Variants in MAPRE3 observed in about 807,000 individuals in gnomAD.
MAPRE3 encodes the protein microtubule associated protein RP/EB family member 3, also known as microtubule-associated protein RP/EB family member 3.
A neutral mutation model predicts 30.5 loss-of-function variants in MAPRE3; 2 were observed. The observed-to-expected ratio is 0.07, with a 90% CI of 0.03 to 0.21. MAPRE3 has a LOEUF of 0.21. MAPRE3 is among the 10% of genes least tolerant of loss of function. MAPRE3 has a pLI of 1.00. For missense variants in MAPRE3, 204 were observed against 351.8 expected (o/e 0.58, Z 3.36); for synonymous variants, 110 against 127.7 (o/e 0.86, Z 0.93).
chr2:27,010,365 T>C (rs1666822268), intron 1 of MAPRE3, among the ~76,000 whole-genome samples: 1 of 151,570 alleles, frequency 6.6e-6, no homozygotes, highest in African/African-American at 2.4e-5. Context: ...AACTTGAGGG[T>C]AGGATATGGA....
chr2:27,003,506 T>C (rs768616170), intron 1 of MAPRE3, among the ~76,000 whole-genome samples: 9 of 152,228 alleles, frequency 5.9e-5, no homozygotes, highest in Non-Finnish European at 1.2e-4. Flanking sequence ...TCTTAGGGAA[T>C]CAGCTGTCTA....
intron 1 of MAPRE3, among the ~76,000 whole-genome samples, chr2:26,995,793 G>GTA (rs1243417861): frequency 6.9e-6 from 1 of 145,668 alleles, no homozygotes; most frequent in Non-Finnish European, 1.5e-5. Flanking sequence ...GTGTGTGTGT[G>GTA]TGTGTGTGTG....
chr2:27,026,481 C>G lies in MAPRE3; in HGVS notation c.*133C>G. On this transcript the variant is annotated 3_prime_UTR_variant, in exon 7 of 7. Transcript: ENST00000233121. Reference sequence around the variant, plus strand: ...AGTGCTGCAGCACTGGGGAGCCAGGCGAGGGGGGCTTGGGGGCATGGGGCC... The same window carrying G: ...AGTGCTGCAGCACTGGGGAGCCAGGGGAGGGGGGCTTGGGGGCATGGGGCC... 1 of 750,544 alleles carries G rather than the reference C, an allele frequency of 1.3e-6. No individual in the cohort carries two copies. Among genetic ancestry groups the G allele is most frequent in the Non-Finnish European group, 2.1e-6 (1 of 472,976 alleles). The allele number at this position is 750,544 out of a possible 1,614,324, so 46.5% of individuals were successfully genotyped here.
chr2:27,025,947 G>A lies in MAPRE3; in HGVS notation c.692G>A (p.Arg231His), dbSNP rs1191523736. Residue 231 changes from arginine (R) to histidine (H), a missense_variant, in exon 6 of 7, where the codon CGT (arginine) becomes CAT (histidine). Arg to His is a conservative substitution (Grantham distance 29, BLOSUM62 0). Transcript: ENST00000233121. Reference sequence around the variant, plus strand: ...CGTGACTTCTACTTCAGCAAACTTCGTGACATCGAGCTCATCTGCCAGGAG... The same window carrying A: ...CGTGACTTCTACTTCAGCAAACTTCATGACATCGAGCTCATCTGCCAGGAG... The part of the protein sequence containing the change: ...KERDFYFSKL[R>H]DIELICQEHE... The A allele has an allele frequency of 2.5e-6, 4 of 1,614,088 alleles. No individual in the cohort carries two copies. Among genetic ancestry groups the A allele is most frequent in the Non-Finnish European group, 1.7e-6 (2 of 1,180,042 alleles).
intron 1 of MAPRE3, chr2:27,014,762 TCCATGCAAGC>T (rs1054392932): frequency 6.6e-6 from 1 of 152,046 alleles, no homozygotes; most frequent in African/African-American, 2.4e-5. Context: ...ACATACTGCC[TCCATGCAAGC>T]CCAGAATAAC....
Position 27,024,313 on chromosome 2 carries a change from C to CG in MAPRE3, c.469+21dup, listed in dbSNP as rs1667182623. 2 of 1,609,798 alleles carry CG rather than the reference C, an allele frequency of 1.2e-6. No individual in the cohort carries two copies. The highest frequency in any genetic ancestry group is 2.2e-5 in the East Asian group (1 of 44,764). On this transcript the variant is annotated intron_variant, in intron 4 of 6. Coordinates refer to ENST00000233121, the MANE Select transcript of MAPRE3 (RefSeq NM_012326.4). ...GGCACAGCAGGTAACGTGCCCGAGCCGGGGGAGGGAGCGTGGGGGGCCGGG... is the reference window on the plus strand; with the variant it reads ...GGCACAGCAGGTAACGTGCCCGAGCCGGGGGGAGGGAGCGTGGGGGGCCGGG...
chr2:27,020,880 A>G (rs1274514745), intron 1 of MAPRE3, among the ~76,000 whole-genome samples: 2 of 152,208 alleles, frequency 1.3e-5, no homozygotes, highest in African/African-American at 2.4e-5. Flanking sequence ...AAGGCCTTTT[A>G]GGAGGCTCCT....
intron 1 of MAPRE3, among the ~76,000 whole-genome samples, chr2:26,977,751 G>C (rs1208488024): frequency 2.6e-5 from 4 of 152,148 alleles, no homozygotes; most frequent in African/African-American, 9.7e-5. Flanking sequence ...GTGTTGGTAG[G>C]GCCTGGCCGG....
chr2:26,984,224 C>G (rs1298060308), intron 1 of MAPRE3, among the ~76,000 whole-genome samples: 1 of 152,160 alleles, frequency 6.6e-6, no homozygotes, highest in Non-Finnish European at 1.5e-5. Context: ...TCAAAAACCC[C>G]TTGCTGGATG....
intron 1 of MAPRE3, among the ~76,000 whole-genome samples, chr2:27,017,177 G>C (rs923739506): frequency 6.6e-6 from 1 of 152,196 alleles, no homozygotes; most frequent in Non-Finnish European, 1.5e-5. Context: ...GCCCTAGCAG[G>C]TGCAGCAGAG....
intron 4 of MAPRE3, among the ~76,000 whole-genome samples, chr2:27,025,033 G>A (rs1025849337): frequency 6.6e-6 from 1 of 152,176 alleles, no homozygotes; most frequent in Non-Finnish European, 1.5e-5. Context: ...AAGTCGCCAC[G>A]GCATGCTGGC....
At chr2:27,020,129 G>C (rs542827773) in intron 1 of MAPRE3, among the ~76,000 whole-genome samples, 1 of 152,260 alleles carries the variant, frequency 6.6e-6, no homozygotes, top group South Asian at 2.1e-4. Context: ...CTTTGGGGTG[G>C]GGACGGCATT....
At chr2:26,988,314 CTTG>C (rs1241152150) in intron 1 of MAPRE3, among the ~76,000 whole-genome samples, 1 of 152,186 alleles carries the variant, frequency 6.6e-6, no homozygotes, top group Non-Finnish European at 1.5e-5. Context: ...TAGTCTCTAG[CTTG>C]TTTTTTTTCA....
chr2:27,015,565 G>T lies in MAPRE3; in HGVS notation c.-7-6647G>T, dbSNP rs894844269. 6.6e-6 allele frequency among the ~76,000 whole-genome samples: 1 copy of T among 152,080 alleles called. No homozygotes were observed. The highest frequency in any genetic ancestry group is 2.1e-4 in the South Asian group (1 of 4,828). ...AGGGTGGAGGCCTGGAAACTGCAGG[G>T]GGTTCTTCCAGGGACCAGCCAGAAC... On this transcript the variant is annotated intron_variant, in intron 1 of 6. Coordinates refer to ENST00000233121, the MANE Select transcript of MAPRE3 (RefSeq NM_012326.4). This position sits in a 1 kb window ranked among gnomAD's most constrained non-coding sequence, Gnocchi z 4.0.
intron 1 of MAPRE3, among the ~76,000 whole-genome samples, chr2:26,997,287 T>A (rs1666483216): frequency 6.6e-6 from 1 of 152,188 alleles, no homozygotes; most frequent in Non-Finnish European, 1.5e-5. Context: ...ATGGGTCGCA[T>A]GCAGCCCAGG....
At chr2:27,007,078 T>C (rs540021201) in intron 1 of MAPRE3, among the ~76,000 whole-genome samples, 11 of 152,346 alleles carry the variant, frequency 7.2e-5, no homozygotes, top group African/African-American at 2.6e-4. Context: ...TTTGCTGCTC[T>C]TTAATTACTT....
intron 1 of MAPRE3, among the ~76,000 whole-genome samples, chr2:26,972,425 G>A (rs1225313068): frequency 2.0e-5 from 3 of 152,196 alleles, no homozygotes; most frequent in East Asian, 3.8e-4. Flanking sequence ...GACGGCTGTC[G>A]CCCTAGTTTT....
At chr2:26,993,850 A>G (rs1249153852) in intron 1 of MAPRE3, among the ~76,000 whole-genome samples, 1 of 152,190 alleles carries the variant, frequency 6.6e-6, no homozygotes, top group Non-Finnish European at 1.5e-5. Context: ...TGTGTCCAAA[A>G]GTTCATGCCT....
At chr2:26,973,247 G>A (rs1329159051) in intron 1 of MAPRE3, among the ~76,000 whole-genome samples, 1 of 152,234 alleles carries the variant, frequency 6.6e-6, no homozygotes, top group Non-Finnish European at 1.5e-5. Flanking sequence ...TAGTATTCCT[G>A]TGTGATGATG....
Sources: allele counts gnomAD v4.1 joint callset (sites outside exome capture counted in the v4.1 genomes callset), GRCh38; gene constraint gnomAD v4.1.1; non-coding constraint Gnocchi (gnomAD v3.1); transcripts MANE v1.5; gene names NCBI Gene and HGNC (gene_info 2026-07-23, HGNC 2026-07-21).